The following SLC19A1 variants were observed in gnomAD, a reference collection of about 807,000 sequenced individuals.
The protein encoded by SLC19A1 is solute carrier family 19 member 1.
A neutral mutation model predicts 35.3 loss-of-function variants in SLC19A1; 37 were observed. The observed-to-expected ratio is 1.05, with a 90% CI of 0.81 to 1.38. The LOEUF is 1.38. SLC19A1 is among the 40% of genes most tolerant of loss of function. The pLI is 0.00. For synonymous variants in SLC19A1, 460 were observed against 398.5 expected, an observed-to-expected ratio of 1.15 and a Z score of -1.84; for missense variants, 831 against 826.9, an observed-to-expected ratio of 1.00 and a Z score of -0.06.
At chr21:45,558,991 T>C (rs1356608216) in intron 1 of SLC19A1, among the ~76,000 whole-genome samples, 3 of 152,062 alleles carry the variant, frequency 2.0e-5, no homozygotes, top group East Asian at 3.9e-4. Flanking sequence ...GTATTTTTAG[T>C]AGAGACGGGG....
chr21:45,504,529 A>C lies in SLC19A1; in HGVS notation c.498-5917T>G, dbSNP rs751825604. 4 of 878,284 alleles carry C rather than the reference A, an allele frequency of 4.6e-6. No homozygotes were observed. The highest frequency in any genetic ancestry group is 6.7e-6 in the Non-Finnish European group (4 of 596,146). 54.4% of individuals were successfully genotyped at this position (878,284 alleles called of 1,614,324 possible). On this transcript the variant is annotated intron_variant, in intron 3 of 4. Transcript: ENST00000417954. ...GCCCCCCCGGCCCCCCAGGCCCCCC[A>C]GGCCCACGTGGCTACCCTGGGATTC...
At chr21:45,506,762 C>CTT (rs2037229255) in intron 3 of SLC19A1, 10 of 28,414 alleles carry the variant, frequency 3.5e-4, no homozygotes, top group African/African-American at 1.8e-3. Flanking sequence ...TCCCACCTTC[C>CTT]CTCTGGAACC....
intron 3 of SLC19A1, chr21:45,503,883 A>G: frequency 2.4e-6 from 2 of 850,278 alleles, no homozygotes; most frequent in Non-Finnish European, 4.0e-6. Flanking sequence ...ACCTAATTAA[A>G]TACGCGATCT....
intron 1 of SLC19A1, among the ~76,000 whole-genome samples, chr21:45,556,879 G>A (rs28470800): frequency 0.058 from 8,707 of 151,156 alleles, 311 homozygotes; most frequent in Middle Eastern, 0.092. Flanking sequence ...CGGCCTGCAC[G>A]TGTCTCCTGG....
At chr21:45,552,867 G>A (rs2078480504) in intron 1 of SLC19A1, among the ~76,000 whole-genome samples, 1 of 151,044 alleles carries the variant, frequency 6.6e-6, no homozygotes, top group Non-Finnish European at 1.5e-5. Context: ...CAAAACACAC[G>A]ACGGCTGTGT....
chr21:45,512,010 GC>G (rs374561989), downstream of SLC19A1, among the ~76,000 whole-genome samples: 10 of 152,236 alleles, frequency 6.6e-5, no homozygotes, highest in African/African-American at 1.9e-4. Context: ...GGGAGATGCA[GC>G]CCCCTCCACA....
intron 3 of SLC19A1, chr21:45,505,396 C>A: frequency 1.3e-6 from 2 of 1,583,520 alleles, no homozygotes; most frequent in Non-Finnish European, 8.6e-7. Context: ...CCCTGGGCCC[C>A]CTGGGCCCCC....
At chr21:45,510,220 C>T (rs749872988), downstream of SLC19A1, 14 of 1,606,006 alleles carry the variant, frequency 8.7e-6, no homozygotes, top group South Asian at 5.6e-5. Flanking sequence ...CAGCATCGTG[C>T]GCCGTGCCGA....
chr21:45,508,486 GGTGGGTGGATGGATGGTGGGTAA>G (rs2037381117), downstream of SLC19A1, among the ~76,000 whole-genome samples: 1 of 151,180 alleles, frequency 6.6e-6, no homozygotes, highest in Admixed American at 6.6e-5. Context: ...TGAGTGGATG[GGTGGGTGGATGGATGGTGGGTAA>G]GTGGGTTAGT....
intron 3 of SLC19A1, chr21:45,504,351 A>G: frequency 6.6e-7 from 1 of 1,526,574 alleles, no homozygotes; most frequent in Non-Finnish European, 8.9e-7. Context: ...GCTCGGGGGG[A>G]TGGGAGGCCA....
At chr21:45,535,830 C>G (rs1415727629) in intron 2 of SLC19A1, among the ~76,000 whole-genome samples, 1 of 152,248 alleles carries the variant, frequency 6.6e-6, no homozygotes, top group East Asian at 1.9e-4. Flanking sequence ...CCACGTGGAA[C>G]GTCTCTCAAG....
chr21:45,523,956 G>A lies in SLC19A1; in HGVS notation c.1293+1861C>T, dbSNP rs567543485. Reference sequence around the variant, plus strand: ...CATGCATTCAACAGAAGCCTTCTGGGCCCCCTTTCTGCAGACCTGAGACCA... The same window carrying A: ...CATGCATTCAACAGAAGCCTTCTGGACCCCCTTTCTGCAGACCTGAGACCA... On this transcript the variant is annotated intron_variant, in intron 5 of 5. Coordinates refer to ENST00000311124, the MANE Select transcript of SLC19A1 (RefSeq NM_194255.4). Among the ~76,000 whole-genome samples, 333 of 152,314 alleles carry A rather than the reference G, an allele frequency of 2.2e-3. 1 individual carries two copies. Among genetic ancestry groups the A allele is most frequent in the Middle Eastern group, 6.8e-3 (2 of 294 alleles).
In SLC19A1 at chr21:45,515,534, TCCTAGGGGG is replaced by T. The variant is rs2037865728; in HGVS notation, c.*115_*123del. 9 of 1,534,460 alleles carry T rather than the reference TCCTAGGGGG, an allele frequency of 5.9e-6. No individual in the cohort carries two copies. The highest frequency in any genetic ancestry group is 7.8e-6 in the Non-Finnish European group (9 of 1,154,492). On this transcript the variant is annotated 3_prime_UTR_variant, in exon 6 of 6. Coordinates refer to ENST00000311124, the MANE Select transcript of SLC19A1 (RefSeq NM_194255.4). Reference sequence around the variant, plus strand: ...AGAGTGCGGCACAGGGCAGGGGGAATCCTAGGGGGCCTGCTAGCAGGATAAGCGGAGGCC... The same window carrying T: ...AGAGTGCGGCACAGGGCAGGGGGAATCCTGCTAGCAGGATAAGCGGAGGCC...
chr21:45,512,266 G>A (rs761670508), downstream of SLC19A1: 44 of 1,611,756 alleles, frequency 2.7e-5, no homozygotes, highest in African/African-American at 8.0e-5. Flanking sequence ...CGTGGCGGAC[G>A]GAGGCTCCCT....
upstream of SLC19A1, among the ~76,000 whole-genome samples, chr21:45,548,959 C>A (rs1001251431): frequency 6.6e-6 from 1 of 152,168 alleles, no homozygotes; most frequent in Admixed American, 6.5e-5. Context: ...GTTACAAACA[C>A]TTTGGAAAAC....
rs986771137 is a variant in SLC19A1 at position 45,534,062 on chromosome 21, A to G, written c.190-1914T>C. Among the ~76,000 whole-genome samples, 5 of 152,098 alleles carry G rather than the reference A, an allele frequency of 3.3e-5. No homozygotes were observed. The highest frequency in any genetic ancestry group is 1.2e-4 in the African/African-American group (5 of 41,414). The stretch of plus-strand genomic sequence containing the variant: ...TGGTCCCAGCAGCACCAGGCACCCA[A>G]GGTCCCTCCGGCACTCCGTCCTGCT... On this transcript the variant is annotated intron_variant, in intron 2 of 5. Coordinates refer to ENST00000311124, the MANE Select transcript of SLC19A1 (RefSeq NM_194255.4). This position sits in a 1 kb window ranked among gnomAD's most constrained non-coding sequence, Gnocchi z 4.2.
chr21:45,515,031 G>T lies in SLC19A1; in HGVS notation c.*627C>A. 7 of 1,542,190 alleles carry T rather than the reference G, an allele frequency of 4.5e-6. No homozygotes were observed. The highest frequency in any genetic ancestry group is 6.1e-6 in the Non-Finnish European group (7 of 1,144,518). ...AGGACCATGGAGGGCTGCCCTTAGGGTGGGAGAGAGGAACCAGCTCCGAGG... is the reference window on the plus strand; with the variant it reads ...AGGACCATGGAGGGCTGCCCTTAGGTTGGGAGAGAGGAACCAGCTCCGAGG... On this transcript the variant is annotated 3_prime_UTR_variant, in exon 6 of 6. Coordinates refer to ENST00000311124, the MANE Select transcript of SLC19A1 (RefSeq NM_194255.4).
chr21:45,555,164 GGC>G lies in SLC19A1; in HGVS notation c.-50+7576_-50+7577del, dbSNP rs1211221961. 8.1e-5 allele frequency among the ~76,000 whole-genome samples: 8 copies of G among 98,816 alleles called. 1 individual carries two copies. The highest frequency in any genetic ancestry group is 6.9e-4 in the East Asian group (2 of 2,890). 64.8% of individuals were successfully genotyped at this position (98,816 alleles called of 152,430 possible). A position where few individuals can be genotyped will look rare whatever the true frequency, so the allele number is the denominator to read the frequency against. Reference sequence around the variant, plus strand: ...AGGGGGCGGTGCAGGGGGCGGCGGGGGCGGCGCAGGGGGCGGTGCAGGGGGCG... The same window carrying G: ...AGGGGGCGGTGCAGGGGGCGGCGGGGGGCGCAGGGGGCGGTGCAGGGGGCG... On this transcript the variant is annotated intron_variant, in intron 1 of 5. Transcript: ENST00000650808.
chr21:45,509,347 C>T (rs778256556), downstream of SLC19A1: 1 of 1,545,226 alleles, frequency 6.5e-7, no homozygotes, highest in Non-Finnish European at 8.7e-7. Context: ...CCACGTCTCC[C>T]ACCTGCAGGA....
Sources: allele counts gnomAD v4.1 joint callset (sites outside exome capture counted in the v4.1 genomes callset), GRCh38; gene constraint gnomAD v4.1.1; non-coding constraint Gnocchi (gnomAD v3.1); transcripts MANE v1.5; gene names NCBI Gene and HGNC (gene_info 2026-07-23, HGNC 2026-07-21).